The following TNFAIP6 variants were observed in gnomAD, a reference collection of about 807,000 sequenced individuals.
TNFAIP6 encodes the protein tumor necrosis factor-inducible gene 6 protein.
TNFAIP6 carries 36 observed loss-of-function variants against 33.7 expected under a neutral mutation model. The observed-to-expected ratio is 1.07, with a 90% CI of 0.82 to 1.41. The LOEUF is 1.41. Among genes scored for constraint, TNFAIP6 ranks in the 40% most tolerant of loss-of-function variants. The pLI is 0.00. For missense variants in TNFAIP6, 273 were observed against 331.9 expected (o/e 0.82, Z 1.38); for synonymous variants, 113 against 112.8 (o/e 1.00, Z -0.01).
chr2:151,373,808 C>G (rs1684854925), intron 5 of TNFAIP6: 1 of 300,076 alleles, frequency 3.3e-6, no homozygotes, highest in Admixed American at 5.1e-5. Flanking sequence ...ATAAACTCTT[C>G]TTTGCTGAAA....
rs748020930 is a variant in TNFAIP6, at chr2:151,366,214, C to G, written c.391C>G (p.His131Asp). The change falls in exon 3 of 6, where the codon CAC becomes GAC. Residue 131 changes from histidine to aspartate, a missense_variant. Transcript: ENST00000243347. ...ATGGGATGCCTATTGCTACAACCCACACGGTGTGTTAAAAATAATAATTTT... is the reference window on the plus strand; with the variant it reads ...ATGGGATGCCTATTGCTACAACCCAGACGGTGTGTTAAAAATAATAATTTT... ...ERWDAYCYNPHAKECGGVFTD... is the reference protein window; with the variant it reads ...ERWDAYCYNPDAKECGGVFTD... 6.2e-7 allele frequency: 1 copy of G among 1,613,624 alleles called. No homozygotes were observed. The highest frequency in any genetic ancestry group is 1.1e-5 in the South Asian group (1 of 91,044).
intron 1 of TNFAIP6, among the ~76,000 whole-genome samples, chr2:151,358,065 TATTTC>T (rs1266890426): frequency 1.3e-5 from 2 of 152,140 alleles, no homozygotes; most frequent in African/African-American, 2.4e-5. Context: ...CAGTGAGGAG[TATTTC>T]TTTAACCAAC....
intron 1 of TNFAIP6, among the ~76,000 whole-genome samples, chr2:151,361,463 A>G (rs1684622839): frequency 6.6e-6 from 1 of 152,254 alleles, no homozygotes; most frequent in Non-Finnish European, 1.5e-5. Context: ...CTTTGTATAC[A>G]TTAAAATAAT....
At chr2:151,361,036 T>C (rs1684615999) in intron 1 of TNFAIP6, among the ~76,000 whole-genome samples, 1 of 152,112 alleles carries the variant, frequency 6.6e-6, no homozygotes, top group Non-Finnish European at 1.5e-5. Flanking sequence ...TTAAAATTAT[T>C]ATTTTTTTAA....
chr2:151,362,964 A>C (rs920563746), intron 1 of TNFAIP6, among the ~76,000 whole-genome samples: 1 of 152,130 alleles, frequency 6.6e-6, no homozygotes, highest in African/African-American at 2.4e-5. Context: ...CTTAAATCCA[A>C]CAGAAAGCCA....
At chr2:151,358,149 G>A (rs1302167687) in intron 1 of TNFAIP6, among the ~76,000 whole-genome samples, 2 of 152,094 alleles carry the variant, frequency 1.3e-5, no homozygotes, top group Non-Finnish European at 2.9e-5. Context: ...AATCCTAACA[G>A]GTAAATTGGA....
At chr2:151,362,255 T>A (rs911303346) in intron 1 of TNFAIP6, among the ~76,000 whole-genome samples, 1 of 152,150 alleles carries the variant, frequency 6.6e-6, no homozygotes, top group East Asian at 1.9e-4. Flanking sequence ...AACAGTGATC[T>A]ATTGGAAGAC....
chr2:151,376,879 T>TTTG (rs1684919652), intron 5 of TNFAIP6, among the ~76,000 whole-genome samples: 1 of 147,706 alleles, frequency 6.8e-6, no homozygotes, highest in Admixed American at 6.7e-5. Context: ...TTTTTTTTTT[T>TTTG]TTTTTTGTTT....
chr2:151,367,017 T>C (rs1449220535), intron 3 of TNFAIP6, among the ~76,000 whole-genome samples: 2 of 152,162 alleles, frequency 1.3e-5, no homozygotes, highest in Non-Finnish European at 2.9e-5. Flanking sequence ...CTTCCTGGCA[T>C]TTAGGATCAT....
chr2:151,366,214 C>T lies in TNFAIP6; in HGVS notation c.391C>T (p.His131Tyr), dbSNP rs748020930. 3.7e-5 allele frequency: 60 copies of T among 1,613,506 alleles called. No homozygotes were observed. The South Asian group carries it at 6.3e-4, about 17-fold the overall frequency. Residue 131 changes from histidine (H) to tyrosine (Y), a missense_variant, in exon 3 of 6, where the codon CAC becomes TAC. Transcript: ENST00000243347. ...ERWDAYCYNP[H>Y]AKECGGVFTD... Reference sequence around the variant, plus strand: ...ATGGGATGCCTATTGCTACAACCCACACGGTGTGTTAAAAATAATAATTTT... The same window carrying T: ...ATGGGATGCCTATTGCTACAACCCATACGGTGTGTTAAAAATAATAATTTT...
chr2:151,376,727 T>C (rs1376208169), intron 5 of TNFAIP6, among the ~76,000 whole-genome samples: 5 of 152,118 alleles, frequency 3.3e-5, no homozygotes, highest in African/African-American at 1.2e-4. Flanking sequence ...TTTAACATTC[T>C]GAGGCATTTG....
intron 1 of TNFAIP6, among the ~76,000 whole-genome samples, chr2:151,363,535 A>G (rs1472262539): frequency 2.8e-5 from 4 of 143,940 alleles, no homozygotes; most frequent in East Asian, 2.2e-4. Context: ...GATGGCGGGC[A>G]CCTGTAGTCC....
At chr2:151,366,025 G>C (rs546799456) in intron 2 of TNFAIP6, 31 bp from the exon 3 acceptor site, 3 of 1,610,954 alleles carry the variant, frequency 1.9e-6, no homozygotes, top group East Asian at 2.2e-5. Context: ...CAGTTTACCT[G>C]TTTAGTCCAT....
intron 2 of TNFAIP6, 39 bp downstream of exon 2, chr2:151,364,119 T>C: frequency 6.2e-7 from 1 of 1,601,374 alleles, no homozygotes. Context: ...TTTTTTATCC[T>C]TGGAGGAAAA....
At chr2:151,378,681 G>T (rs1015543696) in intron 5 of TNFAIP6, among the ~76,000 whole-genome samples, 1 of 151,740 alleles carries the variant, frequency 6.6e-6, no homozygotes, top group African/African-American at 2.4e-5. Context: ...TAGAGACGGG[G>T]ATTCACCATG....
At chr2:151,361,464 T>C (rs981580230) in intron 1 of TNFAIP6, among the ~76,000 whole-genome samples, 1 of 152,210 alleles carries the variant, frequency 6.6e-6, no homozygotes, top group African/African-American at 2.4e-5. Flanking sequence ...TTTGTATACA[T>C]TAAAATAATT....
chr2:151,373,280 A>C (rs577334806), intron 4 of TNFAIP6, among the ~76,000 whole-genome samples: 1 of 152,268 alleles, frequency 6.6e-6, no homozygotes, highest in Non-Finnish European at 1.5e-5. Context: ...GCGCCACTGC[A>C]CTCCAGCCTG....
chr2:151,379,741 T>C lies in TNFAIP6; in HGVS notation c.*208T>C, dbSNP rs972127549. 2 of 346,550 alleles carry C rather than the reference T, an allele frequency of 5.8e-6. No homozygotes were observed. Among genetic ancestry groups the C allele is most frequent in the African/African-American group, 2.1e-5 (1 of 47,064 alleles). The allele number at this position is 346,550 out of a possible 1,614,324, so 21.5% of individuals were successfully genotyped here. On this transcript the variant is annotated 3_prime_UTR_variant, in exon 6 of 6. Transcript: ENST00000243347. ...CCCACTGCATAGAAATAACAAGCGT[T>C]AACATTTTCATATTTTTTTCTTTCA...
intron 4 of TNFAIP6, among the ~76,000 whole-genome samples, chr2:151,372,565 T>C (rs1684835479): frequency 1.3e-5 from 2 of 152,130 alleles, no homozygotes; most frequent in African/African-American, 4.8e-5. Flanking sequence ...AATATTAATA[T>C]CACCAAGCAT....
Sources: gnomAD v4.1 joint callset for allele counts (sites outside exome capture counted in the v4.1 genomes callset) on GRCh38, gnomAD v4.1.1 for gene constraint, MANE v1.5 for transcripts, NCBI Gene and HGNC (gene_info 2026-07-23, HGNC 2026-07-21) for gene names.